TAFA1: variants seen among roughly 807,000 people sequenced by gnomAD.
TAFA1 encodes the protein TAFA chemokine like family member 1.
A neutral mutation model predicts 18.5 loss-of-function variants in TAFA1; 4 were observed. The observed-to-expected ratio is 0.22, with a 90% CI of 0.11 to 0.49. The LOEUF (loss-of-function observed/expected upper bound fraction) is 0.49. Ranked by LOEUF, TAFA1 falls within the 20% of genes least tolerant of loss-of-function variation. The pLI is 0.98. For missense variants in TAFA1, 147 were observed against 169.0 expected (o/e 0.87, Z 0.72); for synonymous variants, 56 against 55.2 (o/e 1.01, Z -0.06).
chr3:68,516,289 G>A (rs973836805), intron 3 of TAFA1, among the ~76,000 whole-genome samples: 4 of 152,110 alleles, frequency 2.6e-5, no homozygotes, highest in African/African-American at 9.7e-5. Flanking sequence ...GCATCCAGGT[G>A]CTGAAAGCTG....
intron 2 of TAFA1, among the ~76,000 whole-genome samples, chr3:68,108,695 G>A (rs369870753): frequency 6.6e-5 from 10 of 152,058 alleles, no homozygotes; most frequent in African/African-American, 2.4e-4. Flanking sequence ...TGTCATTGCT[G>A]ATTAGATGAA....
intron 2 of TAFA1, among the ~76,000 whole-genome samples, chr3:68,165,294 A>T (rs2065970895): frequency 6.6e-6 from 1 of 152,186 alleles, no homozygotes; most frequent in Admixed American, 6.5e-5. Flanking sequence ...TTCACCAGCA[A>T]AACTGCCTAA....
intron 2 of TAFA1, among the ~76,000 whole-genome samples, chr3:68,195,879 T>C (rs139863643): frequency 1.0e-3 from 157 of 151,846 alleles, no homozygotes; most frequent in African/African-American, 3.4e-3. Context: ...CCCTGGAAAG[T>C]AGTAGGTTCT....
intron 3 of TAFA1, among the ~76,000 whole-genome samples, chr3:68,512,026 G>T (rs1324888037): frequency 6.6e-6 from 1 of 152,056 alleles, no homozygotes; most frequent in Non-Finnish European, 1.5e-5. Flanking sequence ...AGAACATTAT[G>T]ATTATCCCTA....
intron 3 of TAFA1, among the ~76,000 whole-genome samples, chr3:68,527,537 T>G (rs1473266870): frequency 1.3e-5 from 2 of 152,184 alleles, no homozygotes; most frequent in Non-Finnish European, 2.9e-5. Context: ...AATGGTTAAA[T>G]TACTTCATCA....
chr3:68,531,247 C>T (rs1425973239), intron 3 of TAFA1, among the ~76,000 whole-genome samples: 1 of 152,134 alleles, frequency 6.6e-6, no homozygotes, highest in African/African-American at 2.4e-5. Flanking sequence ...GCCTCAGATT[C>T]TGCCTCCTCA....
chr3:68,260,519 A>G lies in TAFA1; in HGVS notation c.119-156761A>G, dbSNP rs571984880. Among the ~76,000 whole-genome samples, 81 of 152,274 alleles carry G rather than the reference A, an allele frequency of 5.3e-4. 1 individual carries two copies. The highest frequency in any genetic ancestry group is 1.7e-3 in the African/African-American group (72 of 41,562). ...AATAGTTTCAGAAGGAAATCAAACT[A>G]TACTACAAGGCTACAGTAACCAAAA... is the stretch of plus-strand genomic sequence containing the variant. On this transcript the variant is annotated intron_variant, in intron 2 of 4. Coordinates refer to ENST00000478136, the MANE Select transcript of TAFA1 (RefSeq NM_213609.4).
chr3:68,316,849 T>C (rs930832873), intron 2 of TAFA1, among the ~76,000 whole-genome samples: 5 of 152,162 alleles, frequency 3.3e-5, no homozygotes, highest in Non-Finnish European at 7.4e-5. Context: ...ACTTTTCTAA[T>C]ATATGAAGAA....
rs772595258 is a variant in TAFA1 at position 68,538,708 on chromosome 3, G to A, written c.260-48G>A. The A allele has an allele frequency of 4.4e-6, 7 of 1,603,752 alleles. No homozygotes were observed. The African/African-American group carries it at 9.4e-5, about 21-fold the overall frequency. On this transcript the variant is annotated intron_variant, in intron 3 of 4. Transcript: ENST00000478136. ...CAGAGGGACACAACGTCAGTGTTCA[G>A]GTTGTTTGGATGAATTGCAAACACA... is the stretch of plus-strand genomic sequence containing the variant.
chr3:68,383,227 A>G (rs1460889610), intron 2 of TAFA1, among the ~76,000 whole-genome samples: 1 of 151,784 alleles, frequency 6.6e-6, no homozygotes, highest in Non-Finnish European at 1.5e-5. Context: ...ACTATGTTGA[A>G]TAGGAGTGGT....
chr3:68,194,930 T>C (rs1389725197), intron 2 of TAFA1, among the ~76,000 whole-genome samples: 2 of 151,676 alleles, frequency 1.3e-5, no homozygotes, highest in Non-Finnish European at 3.0e-5. Context: ...TAACTAGTAA[T>C]AGTTGTCTTC....
At chr3:68,463,021 AC>A (rs1289278968) in intron 3 of TAFA1, among the ~76,000 whole-genome samples, 3 of 152,176 alleles carry the variant, frequency 2.0e-5, no homozygotes, top group African/African-American at 7.2e-5. Flanking sequence ...AGATTGGGCA[AC>A]TCATATAGGC....
chr3:68,368,424 G>T (rs532878314), intron 2 of TAFA1, among the ~76,000 whole-genome samples: 1 of 152,276 alleles, frequency 6.6e-6, no homozygotes, highest in South Asian at 2.1e-4. Context: ...TTTATCACTA[G>T]ACCGCAAAAT....
intron 2 of TAFA1, among the ~76,000 whole-genome samples, chr3:68,053,261 G>A (rs1575592846): frequency 6.6e-6 from 1 of 151,916 alleles, no homozygotes; most frequent in Non-Finnish European, 1.5e-5. Context: ...GTTGGTGGGG[G>A]TGGGGACTTC....
At chr3:68,498,897 T>G (rs1050888867) in intron 3 of TAFA1, among the ~76,000 whole-genome samples, 27 of 152,140 alleles carry the variant, frequency 1.8e-4, no homozygotes, top group Non-Finnish European at 2.8e-4. Context: ...GGAGATATAT[T>G]TTTTAACACT....
chr3:68,340,428 C>T (rs1472032896), intron 2 of TAFA1, among the ~76,000 whole-genome samples: 2 of 152,168 alleles, frequency 1.3e-5, no homozygotes, highest in Middle Eastern at 3.2e-3. Context: ...AATGGAATGA[C>T]TTTAAATGTA....
chr3:68,107,352 T>G (rs1045132894), intron 2 of TAFA1, among the ~76,000 whole-genome samples: 3 of 152,162 alleles, frequency 2.0e-5, no homozygotes, highest in Non-Finnish European at 4.4e-5. Context: ...AATAGCAGTT[T>G]TATTCATACT....
At chr3:68,363,344 C>A (rs80217362) in intron 2 of TAFA1, among the ~76,000 whole-genome samples, 1,963 of 152,184 alleles carry the variant, frequency 0.013, 35 homozygotes, top group African/African-American at 0.044. Flanking sequence ...TGGGTTGCAC[C>A]TTTCTGTCCT....
At chr3:68,149,617 A>G (rs2065781688) in intron 2 of TAFA1, among the ~76,000 whole-genome samples, 1 of 152,200 alleles carries the variant, frequency 6.6e-6, no homozygotes. Flanking sequence ...TGAATAGAGC[A>G]AGAACTCATT....
Sources: allele counts gnomAD v4.1 joint callset (sites outside exome capture counted in the v4.1 genomes callset), GRCh38; gene constraint gnomAD v4.1.1; transcripts MANE v1.5; gene names NCBI Gene and HGNC (gene_info 2026-07-23, HGNC 2026-07-21).